Variants in CLVS1 observed in about 807,000 individuals in gnomAD.
CLVS1 encodes the protein clavesin-1.
A neutral mutation model predicts 33.1 loss-of-function variants in CLVS1; 10 were observed. The ratio of observed to expected loss-of-function variants is 0.30; its 90% CI spans 0.19 to 0.51. CLVS1 has a LOEUF of 0.51. Ranked by LOEUF, CLVS1 falls within the 20% of genes least tolerant of loss-of-function variation. The pLI, the probability that CLVS1 is intolerant of heterozygous loss-of-function variation, is 0.97. For missense variants in CLVS1, 343 were observed against 433.4 expected, an observed-to-expected ratio of 0.79 and a Z score of 1.85; for synonymous variants, 163 against 166.1, an observed-to-expected ratio of 0.98 and a Z score of 0.14.
At chr8:61,227,894 C>A (rs1191528101) in intron 2 of CLVS1, among the ~76,000 whole-genome samples, 1 of 152,154 alleles carries the variant, frequency 6.6e-6, no homozygotes, top group African/African-American at 2.4e-5. Flanking sequence ...CCAAGTAATT[C>A]ATTGAATAAT....
intron 2 of CLVS1, among the ~76,000 whole-genome samples, chr8:61,366,386 ACATTAACCTTAT>A (rs2129600589): frequency 6.6e-6 from 1 of 152,304 alleles, no homozygotes; most frequent in Non-Finnish European, 1.5e-5. Context: ...CATTCACACT[ACATTAACCTTAT>A]GTGAATGCAG....
At chr8:61,487,903 C>A (rs1279532852) in intron 5 of CLVS1, among the ~76,000 whole-genome samples, 1 of 152,218 alleles carries the variant, frequency 6.6e-6, no homozygotes, top group African/African-American at 2.4e-5. Context: ...CAACTTCTGG[C>A]ATTTTTCTAC....
chr8:61,185,705 A>G (rs1807332207), intron 2 of CLVS1, among the ~76,000 whole-genome samples: 1 of 152,146 alleles, frequency 6.6e-6, no homozygotes. Flanking sequence ...TGGGTTCTGG[A>G]GCCAGAAATC....
chr8:61,158,313 G>T (rs1651190391), intron 2 of CLVS1, among the ~76,000 whole-genome samples: 1 of 152,134 alleles, frequency 6.6e-6, no homozygotes, highest in African/African-American at 2.4e-5. Context: ...GGCTATTTCT[G>T]GAGGAACAGA....
rs371735040 is a variant in CLVS1, at chr8:61,479,947, T to A, written c.978-19508T>A. 9.8e-4 allele frequency among the ~76,000 whole-genome samples: 149 copies of A among 152,332 alleles called. 1 individual carries two copies. Among genetic ancestry groups the A allele is most frequent in the African/African-American group, 3.3e-3 (138 of 41,578 alleles). On this transcript the variant is annotated intron_variant, in intron 5 of 5. Transcript: ENST00000325897. ...CTGCCTGATCATTCCCCTGGAAGTT[T>A]TGTCTCAGAGGAGTACCCGGCCGTG...
the CLVS1 span, among the ~76,000 whole-genome samples, chr8:60,984,534 G>T: frequency 1.3e-4 from 19 of 151,946 alleles, no homozygotes; most frequent in Non-Finnish European, 1.9e-4. Context: ...CACCATGTTG[G>T]CCAGGCTGGT....
the CLVS1 span, among the ~76,000 whole-genome samples, chr8:61,009,664 G>A: frequency 1.3e-5 from 2 of 152,110 alleles, no homozygotes; most frequent in Non-Finnish European, 2.9e-5. Flanking sequence ...TGAACCCAAT[G>A]TCTCTTACTT....
intron 2 of CLVS1, among the ~76,000 whole-genome samples, chr8:61,252,431 G>T (rs1164523867): frequency 6.6e-6 from 1 of 152,086 alleles, no homozygotes; most frequent in Non-Finnish European, 1.5e-5. Context: ...TGTCTATTAG[G>T]TCTGCTTGGT....
At chr8:61,474,788 G>A (rs967950618) in intron 5 of CLVS1, among the ~76,000 whole-genome samples, 1 of 151,868 alleles carries the variant, frequency 6.6e-6, no homozygotes, top group African/African-American at 2.4e-5. Flanking sequence ...CAGTGAAGCA[G>A]GGCAAGTCTT....
intron 2 of CLVS1, among the ~76,000 whole-genome samples, chr8:61,305,566 T>G (rs1248201869): frequency 6.6e-6 from 1 of 152,184 alleles, no homozygotes; most frequent in Non-Finnish European, 1.5e-5. Flanking sequence ...TTTTCTCTTT[T>G]TTAACTTTTA....
At chr8:61,348,981 G>C (rs1812340148) in intron 2 of CLVS1, among the ~76,000 whole-genome samples, 1 of 152,026 alleles carries the variant, frequency 6.6e-6, no homozygotes, top group Non-Finnish European at 1.5e-5. Context: ...TAGTGATGTT[G>C]AGCACCTTTT....
intron 1 of CLVS1, among the ~76,000 whole-genome samples, chr8:61,123,929 T>C (rs1470483325): frequency 1.3e-5 from 2 of 152,212 alleles, no homozygotes; most frequent in African/African-American, 4.8e-5. Flanking sequence ...TTTCTTTTAG[T>C]ACCAAACATA....
chr8:61,403,213 G>T (rs566802352), intron 3 of CLVS1, among the ~76,000 whole-genome samples: 1 of 152,160 alleles, frequency 6.6e-6, no homozygotes, highest in Non-Finnish European at 1.5e-5. Context: ...ATCATGCATA[G>T]AGTATTCACA....
chr8:61,264,087 A>C (rs1809258172), intron 2 of CLVS1, among the ~76,000 whole-genome samples: 2 of 152,170 alleles, frequency 1.3e-5, no homozygotes, highest in Non-Finnish European at 2.9e-5. Flanking sequence ...GAGGTATCAG[A>C]ACAGATACCC....
intron 2 of CLVS1, among the ~76,000 whole-genome samples, chr8:61,238,460 G>A (rs1296899904): frequency 6.6e-6 from 1 of 152,090 alleles, no homozygotes; most frequent in Non-Finnish European, 1.5e-5. Flanking sequence ...AGGCTGTGGT[G>A]CGACTCCTGA....
At chr8:61,082,074 G>T (rs1453252914) in intron 1 of CLVS1, among the ~76,000 whole-genome samples, 2 of 152,152 alleles carry the variant, frequency 1.3e-5, no homozygotes, top group Non-Finnish European at 2.9e-5. Context: ...TGAACAACAT[G>T]CAAGAATGGA....
rs570695063 is a variant in CLVS1, at chr8:61,288,429, A to G, written c.-152+291A>G. ...ACCAGCGCGGTAACTATAGTCACAC[A>G]ACTGTGTCTTGCCACTTAGACAAAG... is the stretch of plus-strand genomic sequence containing the variant. On this transcript the variant is annotated intron_variant, in intron 1 of 5. Coordinates refer to ENST00000325897, the MANE Select transcript of CLVS1 (RefSeq NM_173519.3). Among the ~76,000 whole-genome samples, 9 of 152,282 alleles carry G rather than the reference A, an allele frequency of 5.9e-5. No homozygotes were observed. The East Asian group carries it at 1.7e-3, about 29-fold the overall frequency.
intron 2 of CLVS1, among the ~76,000 whole-genome samples, chr8:61,140,446 G>A (rs944421416): frequency 2.6e-5 from 4 of 152,158 alleles, no homozygotes; most frequent in Admixed American, 2.6e-4. Flanking sequence ...ACACTTGGCT[G>A]GTTGAGTCAA....
chr8:61,032,159 C>T, the CLVS1 span, among the ~76,000 whole-genome samples: 5 of 152,166 alleles, frequency 3.3e-5, no homozygotes, highest in Non-Finnish European at 7.4e-5. Flanking sequence ...CAACGATAAC[C>T]AAACTCTACT....
Sources: allele counts gnomAD v4.1 joint callset (sites outside exome capture counted in the v4.1 genomes callset), GRCh38; gene constraint gnomAD v4.1.1; transcripts MANE v1.5; gene names NCBI Gene and HGNC (gene_info 2026-07-23, HGNC 2026-07-21).